The following GPC5 variants were observed in gnomAD, a reference collection of about 807,000 sequenced individuals.
The protein encoded by GPC5 is glypican-5.
Under a neutral mutation model 53.9 loss-of-function variants are expected in GPC5, and 47 were observed. That is an observed-to-expected ratio of 0.87 (90% CI 0.69 to 1.11). The LOEUF (loss-of-function observed/expected upper bound fraction) is 1.11, where lower values mean the gene tolerates loss of function less well. Ranked by LOEUF, GPC5 falls within the 50% of genes most tolerant of loss-of-function variation. GPC5 has a pLI of 0.00. For missense variants in GPC5, 748 were observed against 713.1 expected (o/e 1.05, Z -0.56); for synonymous variants, 286 against 263.3 (o/e 1.09, Z -0.84).
chr13:92,064,638 T>C (rs2041151597), intron 6 of GPC5, among the ~76,000 whole-genome samples: 1 of 151,868 alleles, frequency 6.6e-6, no homozygotes, highest in Non-Finnish European at 1.5e-5. Flanking sequence ...GCGCCTGTAA[T>C]CCCAGCTACT....
intron 5 of GPC5, among the ~76,000 whole-genome samples, chr13:91,827,973 G>T (rs1340202455): frequency 6.6e-6 from 1 of 152,030 alleles, no homozygotes; most frequent in Non-Finnish European, 1.5e-5. Context: ...CCAAACTTGT[G>T]TATTTACACA....
rs146712941 is a variant in GPC5 at position 91,696,247 on chromosome 13, T to C, written c.1020+2366T>C. Among the ~76,000 whole-genome samples, 1,154 of 152,316 alleles carry C rather than the reference T, an allele frequency of 7.6e-3. 18 individuals are homozygous for C. The highest frequency in any genetic ancestry group is 0.026 in the African/African-American group (1,081 of 41,572). The stretch of plus-strand genomic sequence containing the variant: ...GAAGTTTTATACACAACTTTTATCA[T>C]GTAAAACTCTCTGCTGTATTTTCAA... On this transcript the variant is annotated intron_variant, in intron 3 of 7. Transcript: ENST00000377067.
chr13:92,792,279 A>C (rs1876492812), intron 7 of GPC5, among the ~76,000 whole-genome samples: 1 of 152,108 alleles, frequency 6.6e-6, no homozygotes, highest in Admixed American at 6.6e-5. Context: ...AGAATTTTCA[A>C]CCCAGAATTT....
At chr13:92,105,122 A>C (rs188858676) in intron 6 of GPC5, among the ~76,000 whole-genome samples, 2 of 152,152 alleles carry the variant, frequency 1.3e-5, no homozygotes, top group African/African-American at 2.4e-5. Context: ...AAGGAAAAAA[A>C]ATGATCATTA....
At chr13:92,540,067 A>G (rs1403198755) in intron 7 of GPC5, among the ~76,000 whole-genome samples, 2 of 152,102 alleles carry the variant, frequency 1.3e-5, no homozygotes, top group East Asian at 3.9e-4. Context: ...TTTCATATTC[A>G]TTATGTGACT....
chr13:92,664,462 G>A (rs1886504094), intron 7 of GPC5, among the ~76,000 whole-genome samples: 1 of 150,050 alleles, frequency 6.7e-6, no homozygotes, highest in African/African-American at 2.5e-5. Flanking sequence ...AATTATCCAT[G>A]TTGACAATAC....
At chr13:91,561,073 G>A (rs1451562162) in intron 2 of GPC5, among the ~76,000 whole-genome samples, 2 of 152,078 alleles carry the variant, frequency 1.3e-5, no homozygotes, top group Admixed American at 1.3e-4. Context: ...ACTAATTTTT[G>A]GTTCCTGGAG....
intron 5 of GPC5, among the ~76,000 whole-genome samples, chr13:91,796,279 C>A (rs1478516393): frequency 6.6e-6 from 1 of 152,304 alleles, no homozygotes; most frequent in South Asian, 2.1e-4. Context: ...TTGGGAGCAG[C>A]AGTGGGCGCC....
chr13:92,177,265 C>T (rs937914024), intron 7 of GPC5, among the ~76,000 whole-genome samples: 14 of 152,210 alleles, frequency 9.2e-5, no homozygotes, highest in Non-Finnish European at 1.9e-4. Context: ...ACCTGAGCAT[C>T]TTCCCCTTGT....
chr13:92,752,807 G>C (rs1004983414), intron 7 of GPC5, among the ~76,000 whole-genome samples: 9 of 152,192 alleles, frequency 5.9e-5, no homozygotes, highest in Non-Finnish European at 7.3e-5. Flanking sequence ...CGCACCACGA[G>C]ATTATATCCT....
chr13:92,472,012 C>G (rs1267345016), intron 7 of GPC5, among the ~76,000 whole-genome samples: 1 of 152,102 alleles, frequency 6.6e-6, no homozygotes, highest in African/African-American at 2.4e-5. Context: ...TTTGGACCCT[C>G]TTAACTGGTG....
At chr13:91,616,057 CA>C (rs914907481) in intron 2 of GPC5, among the ~76,000 whole-genome samples, 2 of 151,204 alleles carry the variant, frequency 1.3e-5, no homozygotes, top group Non-Finnish European at 3.0e-5. Flanking sequence ...CTGGTGAAAA[CA>C]AAAAAAAGCA....
At chr13:91,979,139 A>T (rs1275031681) in intron 6 of GPC5, among the ~76,000 whole-genome samples, 1 of 152,160 alleles carries the variant, frequency 6.6e-6, no homozygotes, top group African/African-American at 2.4e-5. Context: ...CCAAGCAGAG[A>T]TACCAAACAG....
intron 7 of GPC5, among the ~76,000 whole-genome samples, chr13:92,410,961 G>A (rs1158806113): frequency 6.6e-6 from 1 of 152,196 alleles, no homozygotes; most frequent in Non-Finnish European, 1.5e-5. Context: ...GAGGCCAGGC[G>A]CAGTGGCCCA....
intron 6 of GPC5, among the ~76,000 whole-genome samples, chr13:92,137,129 C>T (rs1462414822): frequency 6.6e-6 from 1 of 151,936 alleles, no homozygotes; most frequent in African/African-American, 2.4e-5. Flanking sequence ...ATGCGCAGAA[C>T]CCTGTAAATG....
At chr13:91,944,431 C>T (rs1384158150) in intron 6 of GPC5, among the ~76,000 whole-genome samples, 3 of 152,108 alleles carry the variant, frequency 2.0e-5, no homozygotes, top group Admixed American at 6.6e-5. Context: ...GCCTTTGTGC[C>T]ATTTAATGTG....
At chr13:92,660,489 A>C (rs1238183805) in intron 7 of GPC5, among the ~76,000 whole-genome samples, 1 of 152,060 alleles carries the variant, frequency 6.6e-6, no homozygotes, top group Non-Finnish European at 1.5e-5. Flanking sequence ...ATACATGTAT[A>C]TATACATATA....
rs1391312619 is a variant in GPC5 at position 92,422,511 on chromosome 13, CACACACACACACACACACACAA to C, written c.1561+277523_1561+277544del. Among the ~76,000 whole-genome samples, 55 of 151,002 alleles carry C rather than the reference CACACACACACACACACACACAA, an allele frequency of 3.6e-4. 2 individuals are homozygous for C. The highest frequency in any genetic ancestry group is 1.3e-3 in the African/African-American group (52 of 41,006). ...TCTCACACACACACACACACACACACACACACACACACACACACACAACTTCTTGGAAAGAAAAGTATTCCCC... is the reference window on the plus strand; with the variant it reads ...TCTCACACACACACACACACACACACCTTCTTGGAAAGAAAAGTATTCCCC... On this transcript the variant is annotated intron_variant, in intron 7 of 7. Coordinates refer to ENST00000377067, the MANE Select transcript of GPC5 (RefSeq NM_004466.6).
intron 6 of GPC5, among the ~76,000 whole-genome samples, chr13:91,986,213 C>G (rs1378058727): frequency 2.6e-5 from 4 of 151,650 alleles, no homozygotes; most frequent in African/African-American, 9.7e-5. Context: ...CTACAGGCAC[C>G]CACCACCATG....
Sources: gnomAD v4.1 joint callset for allele counts (sites outside exome capture counted in the v4.1 genomes callset) on GRCh38, gnomAD v4.1.1 for gene constraint, MANE v1.5 for transcripts, NCBI Gene and HGNC (gene_info 2026-07-23, HGNC 2026-07-21) for gene names.